Variants in KCNIP4 observed in about 807,000 individuals in gnomAD.
KCNIP4 encodes the protein Kv channel-interacting protein 4.
In KCNIP4, 12 loss-of-function variants were observed where a neutral mutation model predicts 34.0. The ratio of observed to expected loss-of-function variants is 0.35; its 90% CI spans 0.23 to 0.57. The LOEUF (loss-of-function observed/expected upper bound fraction) is 0.57, where lower values mean the gene tolerates loss of function less well. Ranked by LOEUF, KCNIP4 falls within the 20% of genes least tolerant of loss-of-function variation. The pLI, the probability that KCNIP4 is intolerant of heterozygous loss-of-function variation, is 0.83. For missense variants in KCNIP4, 238 were observed against 311.7 expected (o/e 0.76, Z 1.78); for synonymous variants, 124 against 102.2 (o/e 1.21, Z -1.29).
At chr4:21,756,353 AGTC>A (rs1717526072) in intron 1 of KCNIP4, among the ~76,000 whole-genome samples, 1 of 152,032 alleles carries the variant, frequency 6.6e-6, no homozygotes, top group Non-Finnish European at 1.5e-5. Context: ...CATGAGACAG[AGTC>A]CAGCCTGGCC....
At chr4:20,740,186 C>T (rs758095658) in intron 5 of KCNIP4, among the ~76,000 whole-genome samples, 13 of 152,186 alleles carry the variant, frequency 8.5e-5, no homozygotes, top group South Asian at 4.2e-4. Flanking sequence ...GGAGAACTTG[C>T]GCAACCTAGC....
chr4:21,114,987 C>T (rs1749565886), intron 1 of KCNIP4, among the ~76,000 whole-genome samples: 1 of 152,304 alleles, frequency 6.6e-6, no homozygotes, highest in South Asian at 2.1e-4. Flanking sequence ...TTATAGTTAT[C>T]TGGCCATTTC....
At chr4:21,533,368 T>C (rs1736871936) in intron 1 of KCNIP4, among the ~76,000 whole-genome samples, 1 of 152,086 alleles carries the variant, frequency 6.6e-6, no homozygotes, top group African/African-American at 2.4e-5. Context: ...TAAAAGCAAA[T>C]TGTTTGCTTA....
chr4:21,494,242 G>T (rs1396287386), intron 1 of KCNIP4, among the ~76,000 whole-genome samples: 4 of 152,128 alleles, frequency 2.6e-5, no homozygotes, highest in African/African-American at 9.7e-5. Context: ...TAATCAGCAT[G>T]AGTGTTAGTG....
intron 3 of KCNIP4, among the ~76,000 whole-genome samples, chr4:20,799,357 T>G (rs1053260840): frequency 6.6e-6 from 1 of 152,146 alleles, no homozygotes; most frequent in African/African-American, 2.4e-5. Flanking sequence ...TGCCCCAGCA[T>G]CACAGCTGAT....
chr4:21,863,260 A>ATTTTTT lies in KCNIP4; in HGVS notation c.61+85305_61+85310dup, dbSNP rs34972685. On this transcript the variant is annotated intron_variant, in intron 1 of 8. Coordinates refer to ENST00000382152, the MANE Select transcript of KCNIP4 (RefSeq NM_025221.6). ...ATGGCTAATAAATTCCACGGATTGAATTTTTTTTTTTTTTTTGGCAGATGG... is the reference window on the plus strand; with the variant it reads ...ATGGCTAATAAATTCCACGGATTGAATTTTTTTTTTTTTTTTTTTTTTGGCAGATGG... Among the ~76,000 whole-genome samples, 18 of 141,736 alleles carry ATTTTTT rather than the reference A, an allele frequency of 1.3e-4. 1 individual carries two copies. In the South Asian group the frequency reaches 2.3e-3, roughly 18 times the overall value. 93.0% of individuals were successfully genotyped at this position (141,736 alleles called of 152,430 possible).
intron 1 of KCNIP4, among the ~76,000 whole-genome samples, chr4:21,658,255 T>C (rs368065395): frequency 6.6e-6 from 1 of 152,236 alleles, no homozygotes; most frequent in African/African-American, 2.4e-5. Context: ...TTAAACATAC[T>C]AAACATACTG....
At position 21,921,538 on chromosome 4, in the gene KCNIP4, C is replaced by T. The variant is rs138590733; in HGVS notation, c.61+27033G>A. ...ACCTTAACTCTGACATAGCCAAAACCGAATTGGTTTTTCAGCCCCTTTCCA... is the reference window on the plus strand; with the variant it reads ...ACCTTAACTCTGACATAGCCAAAACTGAATTGGTTTTTCAGCCCCTTTCCA... On this transcript the variant is annotated intron_variant, in intron 1 of 8. Coordinates refer to ENST00000382152, the MANE Select transcript of KCNIP4 (RefSeq NM_025221.6). 8.3e-4 allele frequency among the ~76,000 whole-genome samples: 126 copies of T among 152,242 alleles called. 1 individual carries two copies. The East Asian group carries it at 0.022, about 27-fold the overall frequency.
chr4:21,915,888 T>C (rs1728601288), intron 1 of KCNIP4, among the ~76,000 whole-genome samples: 1 of 152,230 alleles, frequency 6.6e-6, no homozygotes, highest in African/African-American at 2.4e-5. Flanking sequence ...TTCTGCCCTT[T>C]GTAAACAACC....
intron 1 of KCNIP4, among the ~76,000 whole-genome samples, chr4:21,675,316 G>A (rs188180693): frequency 2.0e-5 from 3 of 152,230 alleles, no homozygotes; most frequent in Non-Finnish European, 4.4e-5. Flanking sequence ...AGTTGTGGGG[G>A]AGGTGAGGAT....
intron 1 of KCNIP4, among the ~76,000 whole-genome samples, chr4:21,833,597 T>C (rs1723134952): frequency 6.6e-6 from 1 of 152,196 alleles, no homozygotes; most frequent in African/African-American, 2.4e-5. Context: ...TTAGTTTAAT[T>C]AGATCCCATT....
intron 1 of KCNIP4, among the ~76,000 whole-genome samples, chr4:21,666,746 A>C (rs1748991611): frequency 6.6e-6 from 1 of 152,188 alleles, no homozygotes; most frequent in African/African-American, 2.4e-5. Context: ...GCTGTCTTTT[A>C]TATGAAAAGC....
chr4:21,721,457 T>C (rs1393421779), intron 1 of KCNIP4, among the ~76,000 whole-genome samples: 1 of 152,176 alleles, frequency 6.6e-6, no homozygotes, highest in African/African-American at 2.4e-5. Flanking sequence ...AAAATGAACA[T>C]TAAATGAAGC....
At chr4:21,791,803 A>G (rs1720299002) in intron 1 of KCNIP4, among the ~76,000 whole-genome samples, 1 of 151,914 alleles carries the variant, frequency 6.6e-6, no homozygotes, top group African/African-American at 2.4e-5. Context: ...GGAGTTTGAG[A>G]CCAGCCTGGC....
intron 1 of KCNIP4, among the ~76,000 whole-genome samples, chr4:21,814,967 CCTT>C (rs1721902997): frequency 6.6e-6 from 1 of 152,188 alleles, no homozygotes; most frequent in African/African-American, 2.4e-5. Context: ...ATCACATCCT[CCTT>C]CTTAAGGCCA....
At chr4:21,755,109 T>G (rs990254942) in intron 1 of KCNIP4, among the ~76,000 whole-genome samples, 6 of 152,038 alleles carry the variant, frequency 3.9e-5, no homozygotes, top group African/African-American at 1.4e-4. Context: ...GCCACTTCAC[T>G]CCAGTGGAGA....
At chr4:20,746,795 T>C (rs1485342860) in intron 5 of KCNIP4, among the ~76,000 whole-genome samples, 1 of 152,158 alleles carries the variant, frequency 6.6e-6, no homozygotes, top group Non-Finnish European at 1.5e-5. Context: ...CCTCCTATCA[T>C]ATTTCTTCTG....
At chr4:20,735,519 T>C (rs146595370) in intron 5 of KCNIP4, among the ~76,000 whole-genome samples, 2,045 of 87,132 alleles carry the variant, frequency 0.023, 24 homozygotes, top group Middle Eastern at 0.047. Context: ...TCATTTAGTG[T>C]TTTTTTTTTT....
intron 1 of KCNIP4, among the ~76,000 whole-genome samples, chr4:20,969,522 T>C (rs1423255540): frequency 6.6e-6 from 1 of 151,710 alleles, no homozygotes; most frequent in Non-Finnish European, 1.5e-5. Context: ...AATTTGTGTG[T>C]CCCTTTTGAC....
Sources: gnomAD v4.1 joint callset for allele counts (sites outside exome capture counted in the v4.1 genomes callset) on GRCh38, gnomAD v4.1.1 for gene constraint, MANE v1.5 for transcripts, NCBI Gene and HGNC (gene_info 2026-07-23, HGNC 2026-07-21) for gene names.